The following PAPPA variants were observed in gnomAD, a reference collection of about 807,000 sequenced individuals.
The protein encoded by PAPPA is pappalysin 1.
In PAPPA, 60 loss-of-function variants were observed where a neutral mutation model predicts 164.0. The ratio of observed to expected loss-of-function variants is 0.37; its 90% CI spans 0.30 to 0.45. The LOEUF (loss-of-function observed/expected upper bound fraction) is 0.45, where lower values mean the gene tolerates loss of function less well. PAPPA is among the 20% of genes least tolerant of loss of function. The pLI, the probability that PAPPA is intolerant of heterozygous loss-of-function variation, is 1.00. For missense variants in PAPPA, 1,782 were observed against 2,087.3 expected, an observed-to-expected ratio of 0.85 and a Z score of 2.85; for synonymous variants, 875 against 814.1, an observed-to-expected ratio of 1.07 and a Z score of -1.27.
At chr9:116,223,289 T>G (rs1227695183) in intron 5 of PAPPA, among the ~76,000 whole-genome samples, 1 of 152,186 alleles carries the variant, frequency 6.6e-6, no homozygotes, top group Non-Finnish European at 1.5e-5. Flanking sequence ...AGACTTTTGG[T>G]CAAGCCTTGG....
intron 19 of PAPPA, among the ~76,000 whole-genome samples, chr9:116,375,409 A>G (rs1052611628): frequency 6.6e-5 from 10 of 152,200 alleles, no homozygotes; most frequent in Non-Finnish European, 1.2e-4. Context: ...AGCCTATACT[A>G]AACTGATCCT....
At chr9:116,182,407 A>G (rs1269222002) in intron 1 of PAPPA, among the ~76,000 whole-genome samples, 2 of 152,228 alleles carry the variant, frequency 1.3e-5, no homozygotes, top group Non-Finnish European at 2.9e-5. Flanking sequence ...TGTGGGAAGC[A>G]CAGATCTTGA....
At chr9:116,322,357 C>T (rs1845867737) in intron 10 of PAPPA, among the ~76,000 whole-genome samples, 1 of 142,696 alleles carries the variant, frequency 7.0e-6, no homozygotes, top group Admixed American at 7.6e-5. Context: ...TTGCAGTGAG[C>T]TGAGATCGTG....
intron 6 of PAPPA, 123 bp downstream of exon 6, chr9:116,227,675 C>A: frequency 1.4e-5 from 15 of 1,057,752 alleles, no homozygotes; most frequent in Non-Finnish European, 1.7e-5. Flanking sequence ...TGAGTAACAT[C>A]ATCCTGCAAG....
At chr9:116,272,606 T>C (rs563867391) in intron 9 of PAPPA, among the ~76,000 whole-genome samples, 1 of 152,304 alleles carries the variant, frequency 6.6e-6, no homozygotes, top group Admixed American at 6.5e-5. Context: ...AGCAACACAA[T>C]AGAAGTGCTC....
intron 6 of PAPPA, among the ~76,000 whole-genome samples, chr9:116,229,101 T>C (rs1380082707): frequency 6.6e-6 from 1 of 152,132 alleles, no homozygotes; most frequent in Non-Finnish European, 1.5e-5. Context: ...AAGTACCAAG[T>C]GGTGCTGGGG....
intron 19 of PAPPA, chr9:116,373,648 A>C (rs1004511285): frequency 6.6e-6 from 1 of 151,974 alleles, no homozygotes; most frequent in Non-Finnish European, 1.5e-5. Context: ...TACCCACTCC[A>C]ACATTTGTCT....
intron 17 of PAPPA, among the ~76,000 whole-genome samples, chr9:116,360,152 T>C (rs912212): frequency 1 from 151,800 of 152,324 alleles, 75,640 homozygotes; most frequent in Middle Eastern, 1. Context: ...CCTTTAGGGG[T>C]TGGAATCCAA....
intron 6 of PAPPA, among the ~76,000 whole-genome samples, chr9:116,228,101 C>G (rs1201176423): frequency 6.6e-6 from 1 of 152,142 alleles, no homozygotes; most frequent in Admixed American, 6.6e-5. Context: ...TGGGTTCCAC[C>G]CACTATCAGA....
intron 5 of PAPPA, 114 bp downstream of exon 5, chr9:116,220,243 C>T: frequency 1.3e-6 from 1 of 756,040 alleles, no homozygotes; most frequent in Non-Finnish European, 2.1e-6. Context: ...TGTTCTTGTT[C>T]AAAAGGTATC....
chr9:116,165,452 ACT>A (rs1843710318), intron 1 of PAPPA, among the ~76,000 whole-genome samples: 1 of 151,668 alleles, frequency 6.6e-6, no homozygotes, highest in South Asian at 2.1e-4. Context: ...TCAACTCCTG[ACT>A]CTCCTGCTTC....
At chr9:116,309,382 G>A (rs1845687307) in intron 10 of PAPPA, among the ~76,000 whole-genome samples, 1 of 152,146 alleles carries the variant, frequency 6.6e-6, no homozygotes, top group Non-Finnish European at 1.5e-5. Context: ...AGCCAGATGT[G>A]CATATTTTCT....
chr9:116,191,257 T>C (rs1024739633), intron 2 of PAPPA, among the ~76,000 whole-genome samples: 2 of 152,162 alleles, frequency 1.3e-5, no homozygotes, highest in African/African-American at 4.8e-5. Context: ...ATGGTCCTTT[T>C]TGGGGAGGGC....
intron 7 of PAPPA, among the ~76,000 whole-genome samples, chr9:116,236,944 TTC>T (rs1412525426): frequency 2.6e-5 from 4 of 152,234 alleles, no homozygotes; most frequent in Non-Finnish European, 5.9e-5. Flanking sequence ...TGATTCCAAC[TTC>T]TGTTTTAATC....
intron 18 of PAPPA, among the ~76,000 whole-genome samples, chr9:116,365,975 T>A (rs1285302080): frequency 6.6e-6 from 1 of 152,162 alleles, no homozygotes; most frequent in Non-Finnish European, 1.5e-5. Flanking sequence ...ACGGGTGTCA[T>A]GTACATATGT....
At chr9:116,384,266 G>GTAAT (rs1564251077) in intron 21 of PAPPA, among the ~76,000 whole-genome samples, 3 of 52,700 alleles carry the variant, frequency 5.7e-5, no homozygotes, top group Admixed American at 4.1e-4. Context: ...GTCTCTACAC[G>GTAAT]TAATTAATAA....
intron 17 of PAPPA, among the ~76,000 whole-genome samples, chr9:116,359,138 C>T (rs1846390395): frequency 6.6e-6 from 1 of 152,194 alleles, no homozygotes; most frequent in African/African-American, 2.4e-5. Context: ...GACTTACACC[C>T]AGGCTCTTAA....
intron 18 of PAPPA, among the ~76,000 whole-genome samples, chr9:116,365,557 T>TG (rs1163202902): frequency 4.6e-5 from 6 of 129,172 alleles, no homozygotes; most frequent in Admixed American, 8.1e-5. Context: ...AACCGTTTTT[T>TG]TTTTTTTTTC....
intron 9 of PAPPA, among the ~76,000 whole-genome samples, chr9:116,291,413 T>A (rs1706348713): frequency 6.6e-6 from 1 of 152,192 alleles, no homozygotes; most frequent in African/African-American, 2.4e-5. Context: ...ATTTATGCTC[T>A]GACCTCTTTA....
Sources: allele counts gnomAD v4.1 joint callset (sites outside exome capture counted in the v4.1 genomes callset), GRCh38; gene constraint gnomAD v4.1.1; transcripts MANE v1.5; gene names NCBI Gene and HGNC (gene_info 2026-07-23, HGNC 2026-07-21).